TCTN2: variants seen among roughly 807,000 people sequenced by gnomAD.
The protein encoded by TCTN2 is tectonic-2.
In TCTN2, 66 loss-of-function variants were observed where a neutral mutation model predicts 83.4. The observed-to-expected ratio is 0.79, with a 90% CI of 0.65 to 0.97. The LOEUF (loss-of-function observed/expected upper bound fraction) is 0.97. Among genes scored for constraint, TCTN2 ranks in the 50% least tolerant of loss-of-function variants. The pLI is 0.00. For missense variants in TCTN2, 794 were observed against 858.1 expected, an observed-to-expected ratio of 0.93 and a Z score of 0.93; for synonymous variants, 301 against 326.7, an observed-to-expected ratio of 0.92 and a Z score of 0.85.
At chr12:123,671,978 A>C in intron 2 of TCTN2, 78 bp from the exon 3 acceptor site, 2 of 1,196,712 alleles carry the variant, frequency 1.7e-6, no homozygotes, top group Middle Eastern at 2.1e-4. Flanking sequence ...ATGTGAGTCC[A>C]TCCTAGGCAG....
At chr12:123,673,909 A>C in intron 4 of TCTN2, 99 bp downstream of exon 4, 1 of 1,119,814 alleles carries the variant, frequency 8.9e-7, no homozygotes, top group Non-Finnish European at 1.3e-6. Flanking sequence ...TTGATGCTAT[A>C]AATGAGCTGC....
At chr12:123,686,327 G>A (rs138418143) in intron 5 of TCTN2, among the ~76,000 whole-genome samples, 9 of 152,284 alleles carry the variant, frequency 5.9e-5, no homozygotes, top group East Asian at 1.9e-4. Flanking sequence ...GATTACAGGC[G>A]TGAGCCCCTG....
intron 15 of TCTN2, 43 bp downstream of exon 15, chr12:123,704,731 G>A (rs750896298): frequency 2.2e-5 from 35 of 1,604,520 alleles, no homozygotes; most frequent in Non-Finnish European, 3.0e-5. Context: ...AGAGAGTCAG[G>A]AAAGTTGAGA....
chr12:123,697,531 A>C (rs1215857128), intron 13 of TCTN2, among the ~76,000 whole-genome samples: 2 of 152,062 alleles, frequency 1.3e-5, no homozygotes, highest in African/African-American at 2.4e-5. Flanking sequence ...ATGAAGTCTC[A>C]CTTTGTCACC....
rs528065302 is a variant in TCTN2 at position 123,684,399 on chromosome 12, CT to C, written c.565-2418del. On this transcript the variant is annotated intron_variant, in intron 5 of 17. Coordinates refer to ENST00000303372, the MANE Select transcript of TCTN2 (RefSeq NM_024809.5). ...TAGGGTCTGCATTAATATTGTCATT[CT>C]TTTTTTTTTTTTTTTTTTAAGACAG... Among the ~76,000 whole-genome samples, 1,272 of 127,752 alleles carry C rather than the reference CT, an allele frequency of 1.0e-2. 10 individuals carry two copies. The highest frequency in any genetic ancestry group is 0.049 in the Admixed American group (614 of 12,506). 83.8% of individuals were successfully genotyped at this position (127,752 alleles called of 152,430 possible).
At chr12:123,687,603 G>C (rs1029497074) in intron 6 of TCTN2, among the ~76,000 whole-genome samples, 4 of 152,176 alleles carry the variant, frequency 2.6e-5, no homozygotes, top group Admixed American at 2.0e-4. Context: ...CTTGAGCTGA[G>C]ATCGCGCCAC....
intron 12 of TCTN2, 187 bp from the exon 13 acceptor site, chr12:123,696,900 G>C: frequency 1.7e-6 from 1 of 594,280 alleles, no homozygotes; most frequent in South Asian, 2.0e-5. Context: ...CACCGCTCAG[G>C]ATCTGAGAAG....
chr12:123,692,824 A>G (rs1173435670), intron 9 of TCTN2, 101 bp downstream of exon 9: 1 of 936,350 alleles, frequency 1.1e-6, no homozygotes, highest in Non-Finnish European at 1.7e-6. Context: ...TTAGTCATTT[A>G]AAAAGGTTCA....
intron 6 of TCTN2, 24 bp downstream of exon 6, chr12:123,687,059 G>C: frequency 6.2e-7 from 1 of 1,613,944 alleles, no homozygotes; most frequent in Non-Finnish European, 8.5e-7. Context: ...CAGCCGCCTG[G>C]GATGGGGCAT....
At chr12:123,699,913 C>A in intron 14 of TCTN2, 103 bp downstream of exon 14, 1 of 906,774 alleles carries the variant, frequency 1.1e-6, no homozygotes, top group Non-Finnish European at 1.8e-6. Context: ...CTTCCTGAGG[C>A]TTGACTGCGG....
intron 4 of TCTN2, among the ~76,000 whole-genome samples, chr12:123,676,566 T>TAAA (rs60100973): frequency 0.024 from 1,441 of 60,586 alleles, 67 homozygotes; most frequent in African/African-American, 0.079. Flanking sequence ...AGACTCCATC[T>TAAA]AAAAAAAAAA....
chr12:123,683,747 T>C (rs1955928916), intron 5 of TCTN2, among the ~76,000 whole-genome samples: 1 of 152,138 alleles, frequency 6.6e-6, no homozygotes, highest in East Asian at 1.9e-4. Context: ...CAAGCGATTC[T>C]CCTGCCTCAG....
chr12:123,705,938 T>C (rs1956223569), intron 15 of TCTN2, among the ~76,000 whole-genome samples: 1 of 151,958 alleles, frequency 6.6e-6, no homozygotes, highest in South Asian at 2.1e-4. Flanking sequence ...GTATTTTTAG[T>C]AGAGATGGGG....
intron 5 of TCTN2, among the ~76,000 whole-genome samples, chr12:123,680,450 G>A (rs181036806): frequency 7.4e-5 from 11 of 149,336 alleles, no homozygotes; most frequent in Admixed American, 1.3e-4. Flanking sequence ...CACCATGCCC[G>A]GCCTGACTTT....
At chr12:123,703,289 C>T (rs1294390060) in intron 14 of TCTN2, among the ~76,000 whole-genome samples, 2 of 151,418 alleles carry the variant, frequency 1.3e-5, no homozygotes, top group African/African-American at 4.9e-5. Context: ...TCAAGTGATT[C>T]TCCTGCCTCA....
intron 4 of TCTN2, 98 bp from the exon 5 acceptor site, chr12:123,679,091 C>A (rs1275759318): frequency 8.6e-7 from 1 of 1,159,106 alleles, no homozygotes; most frequent in Non-Finnish European, 1.3e-6. Context: ...GCCACCGCGC[C>A]TGGCCGATAA....
chr12:123,702,535 T>C (rs34586028), intron 14 of TCTN2, among the ~76,000 whole-genome samples: 54,327 of 151,748 alleles, frequency 0.36, 10,161 homozygotes, highest in African/African-American at 0.41. Flanking sequence ...CCTGTTGGAC[T>C]CCACCCCCAC....
Position 123,679,178 on chromosome 12 carries a change from GTA to G in TCTN2, c.464-10_464-9del, listed in dbSNP as rs1955862784. 1 of 1,606,302 alleles carries G rather than the reference GTA, an allele frequency of 6.2e-7. No homozygotes were observed. On this transcript the variant is annotated splice_polypyrimidine_tract_variant and intron_variant, in intron 4 of 17. Coordinates refer to ENST00000303372, the MANE Select transcript of TCTN2 (RefSeq NM_024809.5). ...TCTTAGCTGAATTTTTCTGTTGTGT[GTA>G]CTTTTCAGAGAACGTGACTGTCATT... is the stretch of plus-strand genomic sequence containing the variant.
At chr12:123,684,074 G>A (rs906999605) in intron 5 of TCTN2, among the ~76,000 whole-genome samples, 7 of 152,176 alleles carry the variant, frequency 4.6e-5, no homozygotes, top group African/African-American at 1.7e-4. Flanking sequence ...CTTCCCCACT[G>A]GGAAATGCAA....
Sources: gnomAD v4.1 joint callset for allele counts (sites outside exome capture counted in the v4.1 genomes callset) on GRCh38, gnomAD v4.1.1 for gene constraint, MANE v1.5 for transcripts, NCBI Gene and HGNC (gene_info 2026-07-23, HGNC 2026-07-21) for gene names.